The following NOL4 variants were observed in gnomAD, a reference collection of about 807,000 sequenced individuals.
The protein encoded by NOL4 is nucleolar protein 4.
A neutral mutation model predicts 75.9 loss-of-function variants in NOL4; 17 were observed. The ratio of observed to expected loss-of-function variants is 0.22; its 90% CI spans 0.15 to 0.34. The LOEUF (loss-of-function observed/expected upper bound fraction) is 0.34. NOL4 is among the 10% of genes least tolerant of loss of function. The probability of loss-of-function intolerance (pLI) is 1.00; values close to 1 mark genes in which losing one functional copy is unlikely to be tolerated. For synonymous variants in NOL4, 292 were observed against 289.9 expected, an observed-to-expected ratio of 1.01 and a Z score of -0.07; for missense variants, 614 against 793.5, an observed-to-expected ratio of 0.77 and a Z score of 2.72.
chr18:34,090,493 G>A (rs559935286), intron 5 of NOL4, among the ~76,000 whole-genome samples: 27 of 152,182 alleles, frequency 1.8e-4, no homozygotes, highest in African/African-American at 5.1e-4. Context: ...ATAAATTTGG[G>A]ATTCATCTAG....
chr18:34,029,305 C>T (rs2075515002), intron 5 of NOL4, among the ~76,000 whole-genome samples: 1 of 152,132 alleles, frequency 6.6e-6, no homozygotes. Context: ...TATTGGGACA[C>T]ATCATTCTTA....
At chr18:34,212,455 G>C (rs972929295) in intron 1 of NOL4, among the ~76,000 whole-genome samples, 16 of 152,104 alleles carry the variant, frequency 1.1e-4, no homozygotes, top group African/African-American at 3.6e-4. Flanking sequence ...ACATGTTTTT[G>C]GTAAATTTTA....
intron 4 of NOL4, among the ~76,000 whole-genome samples, chr18:34,100,319 T>G (rs778451772): frequency 3.9e-5 from 6 of 151,976 alleles, no homozygotes; most frequent in Non-Finnish European, 8.8e-5. Flanking sequence ...TAGAAAAAAA[T>G]ATATAATAAA....
intron 1 of NOL4, among the ~76,000 whole-genome samples, chr18:34,141,560 C>T (rs1433849838): frequency 1.3e-5 from 2 of 152,048 alleles, no homozygotes; most frequent in African/African-American, 4.8e-5. Flanking sequence ...CTTTGACAAA[C>T]CTGACAAAAA....
In NOL4 at chr18:34,222,293, C is replaced by T. The variant is rs1020919968; in HGVS notation, c.264+697G>A. 3 of 1,302,668 alleles carry T rather than the reference C, an allele frequency of 2.3e-6. No individual in the cohort carries two copies. The African/African-American group carries it at 4.6e-5, about 20-fold the overall frequency. 80.7% of individuals were successfully genotyped at this position (1,302,668 alleles called of 1,614,324 possible). A position where few individuals can be genotyped will look rare whatever the true frequency, so the allele number is the denominator to read the frequency against. The stretch of plus-strand genomic sequence containing the variant: ...CCTAAACCCATCTTTCTTTGTTGTT[C>T]ATCTTCTAGCTGCGGCTTTATTTGT... On this transcript the variant is annotated intron_variant, in intron 1 of 10. Transcript: ENST00000261592.
At chr18:33,891,241 G>A (rs1182317747) in intron 9 of NOL4, among the ~76,000 whole-genome samples, 1 of 152,014 alleles carries the variant, frequency 6.6e-6, no homozygotes. Context: ...ATTTCAAGCT[G>A]ATGTCCATAG....
chr18:33,965,292 T>C (rs2070487764), intron 6 of NOL4, among the ~76,000 whole-genome samples: 2 of 151,814 alleles, frequency 1.3e-5, no homozygotes, highest in South Asian at 2.1e-4. Context: ...CTGGGCAACA[T>C]AGTGAGACCT....
chr18:33,856,353 ATAT>A (rs369795836), intron 10 of NOL4, among the ~76,000 whole-genome samples: 5 of 152,214 alleles, frequency 3.3e-5, no homozygotes, highest in African/African-American at 9.6e-5. Flanking sequence ...ATATATGGAA[ATAT>A]TATTATTGCC....
chr18:34,101,189 G>A (rs1163612083), intron 4 of NOL4, among the ~76,000 whole-genome samples: 1 of 152,122 alleles, frequency 6.6e-6, no homozygotes, highest in East Asian at 1.9e-4. Context: ...ATACTCATAA[G>A]AGGACCATTG....
intron 5 of NOL4, among the ~76,000 whole-genome samples, chr18:34,021,890 G>C (rs1448486678): frequency 2.0e-5 from 3 of 151,994 alleles, no homozygotes; most frequent in Admixed American, 2.0e-4. Flanking sequence ...ATCACCTGAG[G>C]TCAGGAGTTT....
At chr18:34,099,362 CAAA>C (rs58940650) in intron 4 of NOL4, among the ~76,000 whole-genome samples, 3 of 80,046 alleles carry the variant, frequency 3.7e-5, no homozygotes, top group South Asian at 9.0e-4. Flanking sequence ...GACTTTGTCT[CAAA>C]AAAAAAAAAA....
At chr18:34,165,046 A>G (rs1417783988) in intron 1 of NOL4, among the ~76,000 whole-genome samples, 1 of 143,986 alleles carries the variant, frequency 6.9e-6, no homozygotes, top group Non-Finnish European at 1.5e-5. Flanking sequence ...AACAATGAGA[A>G]CACATGGACA....
chr18:34,086,674 C>A (rs1266801599), intron 5 of NOL4, among the ~76,000 whole-genome samples: 1 of 152,010 alleles, frequency 6.6e-6, no homozygotes, highest in African/African-American at 2.4e-5. Flanking sequence ...TCAATTTTAG[C>A]CACAAGCATA....
chr18:34,116,760 C>T (rs1243775478), intron 2 of NOL4, among the ~76,000 whole-genome samples: 1 of 151,896 alleles, frequency 6.6e-6, no homozygotes, highest in East Asian at 1.9e-4. Context: ...AAGTATGTAA[C>T]GTAAGTTTAT....
rs1412216716 is a variant in NOL4, at chr18:34,019,505, T to G, written c.869A>C (p.Asn290Thr). ...CTCCAGCCCAGTTTTGCCATCACTG[T>G]TGGAGTCTCCCATCTCCCTGCTGTG... The part of the protein sequence containing the change: ...GTHSREMGDS[N>T]SDGKTGLEQD... The change falls in exon 6 of 11, where the codon AAC becomes ACC. Residue 290 changes from asparagine (N) to threonine (T), a missense_variant. Coordinates refer to ENST00000261592, the MANE Select transcript of NOL4 (RefSeq NM_003787.5). The G allele has an allele frequency of 6.2e-7, 1 of 1,614,064 alleles. No homozygotes were observed. Among genetic ancestry groups the G allele is most frequent in the East Asian group, 2.2e-5 (1 of 44,840 alleles).
chr18:34,057,845 T>A (rs545267521), intron 5 of NOL4, among the ~76,000 whole-genome samples: 1 of 152,282 alleles, frequency 6.6e-6, no homozygotes, highest in African/African-American at 2.4e-5. Flanking sequence ...TGTAAGTTAC[T>A]AACACATTTG....
intron 6 of NOL4, among the ~76,000 whole-genome samples, chr18:34,016,594 C>T (rs1381298185): frequency 6.6e-6 from 1 of 152,072 alleles, no homozygotes; most frequent in East Asian, 1.9e-4. Flanking sequence ...TACCCCTCTC[C>T]CATACATAAT....
intron 1 of NOL4, among the ~76,000 whole-genome samples, chr18:34,184,782 C>G (rs2146353842): frequency 6.6e-6 from 1 of 152,238 alleles, no homozygotes; most frequent in East Asian, 1.9e-4. Flanking sequence ...GCACTTCCAG[C>G]TGACATGTGG....
At chr18:34,210,096 A>G (rs904820184) in intron 1 of NOL4, among the ~76,000 whole-genome samples, 1 of 152,208 alleles carries the variant, frequency 6.6e-6, no homozygotes, top group African/African-American at 2.4e-5. Flanking sequence ...AAGGCATAAA[A>G]CATCATATAT....
Sources: allele counts gnomAD v4.1 joint callset (sites outside exome capture counted in the v4.1 genomes callset), GRCh38; gene constraint gnomAD v4.1.1; transcripts MANE v1.5; gene names NCBI Gene and HGNC (gene_info 2026-07-23, HGNC 2026-07-21).